GOLGA4: variants seen among roughly 807,000 people sequenced by gnomAD.
GOLGA4 encodes golgin A4, also known as golgin subfamily A member 4.
Under a neutral mutation model 265.9 loss-of-function variants are expected in GOLGA4, and 169 were observed. That is an observed-to-expected ratio of 0.64 (90% CI 0.56 to 0.72). The LOEUF is 0.72. GOLGA4 is among the 30% of genes least tolerant of loss of function. The pLI, the probability that GOLGA4 is intolerant of heterozygous loss-of-function variation, is 0.00. For missense variants in GOLGA4, 2,482 were observed against 2,483.4 expected, an observed-to-expected ratio of 1.00 and a Z score of 0.01; for synonymous variants, 923 against 855.8, an observed-to-expected ratio of 1.08 and a Z score of -1.37.
At chr3:37,255,631 T>C (rs116770022) in intron 2 of GOLGA4, among the ~76,000 whole-genome samples, 1,805 of 152,310 alleles carry the variant, frequency 0.012, 18 homozygotes, top group Middle Eastern at 0.024. Flanking sequence ...GAAATTAACT[T>C]AATGAAACCA....
chr3:37,310,808 A>G (rs912588284), intron 10 of GOLGA4, among the ~76,000 whole-genome samples: 1 of 151,920 alleles, frequency 6.6e-6, no homozygotes, highest in Non-Finnish European at 1.5e-5. Flanking sequence ...TGTTCTTGCA[A>G]CATTCTGCGG....
chr3:37,257,970 CAT>C (rs1233804541), intron 2 of GOLGA4, among the ~76,000 whole-genome samples: 8 of 80,576 alleles, frequency 9.9e-5, no homozygotes, highest in Non-Finnish European at 1.7e-4. Context: ...TGTATATATA[CAT>C]ACATATATAT....
intron 3 of GOLGA4, among the ~76,000 whole-genome samples, chr3:37,283,250 A>T (rs1430055486): frequency 6.6e-6 from 1 of 152,254 alleles, no homozygotes; most frequent in East Asian, 1.9e-4. Flanking sequence ...GGAAGCAATT[A>T]TCAGGCTTAA....
chr3:37,338,706 A>G (rs977052202), intron 19 of GOLGA4, among the ~76,000 whole-genome samples: 1 of 152,160 alleles, frequency 6.6e-6, no homozygotes, highest in South Asian at 2.1e-4. Context: ...CATCACCCCA[A>G]GAGGAAACTC....
chr3:37,358,076 G>A (rs879742945), intron 22 of GOLGA4, among the ~76,000 whole-genome samples: 2 of 152,080 alleles, frequency 1.3e-5, no homozygotes, highest in Admixed American at 6.6e-5. Flanking sequence ...ACATTTTGCC[G>A]AGCTGCCCCC....
intron 2 of GOLGA4, among the ~76,000 whole-genome samples, chr3:37,281,570 A>C (rs1052686749): frequency 2.5e-4 from 38 of 152,228 alleles, no homozygotes; most frequent in African/African-American, 8.9e-4. Context: ...ATGCACTGTT[A>C]CAGATGGTGT....
rs745625948 is a variant in GOLGA4 at position 37,326,769 on chromosome 3, G to A, written c.4883G>A (p.Arg1628Lys). The change falls in exon 14 of 24, where the codon AGG becomes AAG. Residue 1628 changes from arginine to lysine, a missense_variant. Physicochemically the swap from Arg to Lys is conservative, Grantham distance 26 (BLOSUM62 2). Coordinates refer to ENST00000361924, the MANE Select transcript of GOLGA4 (RefSeq NM_002078.5). ...KEEELKALEDRLESESAAKLA... is the reference protein window; with the variant it reads ...KEEELKALEDKLESESAAKLA... The stretch of plus-strand genomic sequence containing the variant: ...GAGGAGTTAAAGGCATTGGAAGATA[G>A]GCTTGAGTCAGAAAGTGCTGCAAAA... 6.2e-6 allele frequency: 10 copies of A among 1,613,594 alleles called. No homozygotes were observed. The East Asian group carries it at 1.1e-4, about 18-fold the overall frequency.
At chr3:37,245,054 T>G (rs1394495146) in intron 1 of GOLGA4, among the ~76,000 whole-genome samples, 1 of 152,218 alleles carries the variant, frequency 6.6e-6, no homozygotes, top group Non-Finnish European at 1.5e-5. Flanking sequence ...ATTAAAGATT[T>G]AGCTCTATGG....
chr3:37,346,306 C>T (rs1021821056), intron 20 of GOLGA4, among the ~76,000 whole-genome samples: 1 of 152,138 alleles, frequency 6.6e-6, no homozygotes, highest in Non-Finnish European at 1.5e-5. Flanking sequence ...GTCCTTATAT[C>T]TCTGTTGTTT....
chr3:37,350,684 C>T (rs1333229828), intron 21 of GOLGA4, among the ~76,000 whole-genome samples: 1 of 151,970 alleles, frequency 6.6e-6, no homozygotes, highest in Non-Finnish European at 1.5e-5. Context: ...AGTTCTAGAC[C>T]ACTGCAATAA....
chr3:37,273,215 C>G (rs931223606), intron 2 of GOLGA4, among the ~76,000 whole-genome samples: 13 of 151,950 alleles, frequency 8.6e-5, no homozygotes, highest in Non-Finnish European at 1.9e-4. Context: ...TGCATTGATT[C>G]CCTGATGTTG....
chr3:37,286,184 T>C lies in GOLGA4; in HGVS notation c.525+123T>C, dbSNP rs182500567. 2.1e-3 allele frequency: 1,079 copies of C among 515,836 alleles called. 14 individuals carry two copies. In the African/African-American group the frequency reaches 0.021, roughly 10 times the overall value. 32.0% of individuals were successfully genotyped at this position (515,836 alleles called of 1,614,324 possible). On this transcript the variant is annotated intron_variant, in intron 4 of 23. Transcript: ENST00000361924. ...TTTTTTGAGACGGAGTCTCGCTCTG[T>C]CGCCCAGGCTGGACTGCGGACTGCA... is the stretch of plus-strand genomic sequence containing the variant.
At position 37,327,372 on chromosome 3, in the gene GOLGA4, A is replaced by G; in HGVS notation, c.5486A>G (p.Gln1829Arg). 1 of 1,613,976 alleles carries G rather than the reference A, an allele frequency of 6.2e-7. No individual in the cohort carries two copies. The highest frequency in any genetic ancestry group is 8.5e-7 in the Non-Finnish European group (1 of 1,179,868). ...EGGKNNIQAK[Q>R]NLENVFDDVQ... Reference sequence around the variant, plus strand: ...GGTAAAAATAACATACAGGCAAAGCAAAACTTGGAAAATGTGTTTGACGAC... The same window carrying G: ...GGTAAAAATAACATACAGGCAAAGCGAAACTTGGAAAATGTGTTTGACGAC... Residue 1829 changes from glutamine (Q) to arginine (R), a missense_variant, in exon 14 of 24, where the codon CAA becomes CGA. Coordinates refer to ENST00000361924, the MANE Select transcript of GOLGA4 (RefSeq NM_002078.5).
intron 21 of GOLGA4, among the ~76,000 whole-genome samples, chr3:37,354,159 A>T (rs893845634): frequency 6.6e-6 from 1 of 151,922 alleles, no homozygotes; most frequent in Non-Finnish European, 1.5e-5. Context: ...ATTTTTGGTT[A>T]ACTATATTAT....
chr3:37,349,522 C>T (rs749015200), intron 21 of GOLGA4, among the ~76,000 whole-genome samples: 36 of 152,180 alleles, frequency 2.4e-4, no homozygotes, highest in South Asian at 1.0e-3. Flanking sequence ...CCAACTAAAA[C>T]GCTGGATTGA....
rs1184206810 is a variant in GOLGA4 at position 37,337,775 on chromosome 3, T to A, written c.6396+41T>A. 6 of 1,255,682 alleles carry A rather than the reference T, an allele frequency of 4.8e-6. No individual in the cohort carries two copies. The South Asian group carries it at 6.0e-5, about 13-fold the overall frequency. The allele number at this position is 1,255,682 out of a possible 1,614,324, so 77.8% of individuals were successfully genotyped here. A position where few individuals can be genotyped will look rare whatever the true frequency, so the allele number is the denominator to read the frequency against. On this transcript the variant is annotated intron_variant, in intron 19 of 23. Transcript: ENST00000361924. The stretch of plus-strand genomic sequence containing the variant: ...GTACCTTTTATTTTGAACTAAAGTT[T>A]CGTTAATATGTACTTGGATCTCAGC...
intron 10 of GOLGA4, among the ~76,000 whole-genome samples, chr3:37,315,024 TTGA>T (rs1382636855): frequency 1.3e-5 from 2 of 152,200 alleles, no homozygotes; most frequent in Non-Finnish European, 2.9e-5. Flanking sequence ...TACATAATTA[TTGA>T]TGATAAGAAC....
At chr3:37,277,391 T>C (rs998397695) in intron 2 of GOLGA4, among the ~76,000 whole-genome samples, 1 of 152,258 alleles carries the variant, frequency 6.6e-6, no homozygotes, top group Non-Finnish European at 1.5e-5. Context: ...AGATGAGAAC[T>C]TCCCACTATT....
chr3:37,312,699 T>C (rs2096926357), intron 10 of GOLGA4, among the ~76,000 whole-genome samples: 1 of 151,946 alleles, frequency 6.6e-6, no homozygotes, highest in African/African-American at 2.4e-5. Context: ...AATTTTTAAT[T>C]TTTTTGTAGA....
Sources: allele counts gnomAD v4.1 joint callset (sites outside exome capture counted in the v4.1 genomes callset), GRCh38; gene constraint gnomAD v4.1.1; transcripts MANE v1.5; gene names NCBI Gene and HGNC (gene_info 2026-07-23, HGNC 2026-07-21).